Variants in ASCC3 observed in about 807,000 individuals in gnomAD.
ASCC3 encodes activating signal cointegrator 1 complex subunit 3, also known as ASC-1 complex subunit P200.
Under a neutral mutation model 256.3 loss-of-function variants are expected in ASCC3, and 158 were observed. The observed-to-expected ratio is 0.62, with a 90% CI of 0.54 to 0.70. The LOEUF (loss-of-function observed/expected upper bound fraction) is 0.70, where lower values mean the gene tolerates loss of function less well. Among genes scored for constraint, ASCC3 ranks in the 30% least tolerant of loss-of-function variants. ASCC3 has a pLI of 0.00. For synonymous variants in ASCC3, 948 were observed against 883.4 expected, an observed-to-expected ratio of 1.07 and a Z score of -1.30; for missense variants, 2,259 against 2,626.0, an observed-to-expected ratio of 0.86 and a Z score of 3.05.
intron 36 of ASCC3, among the ~76,000 whole-genome samples, chr6:100,583,199 G>A (rs1435580206): frequency 1.3e-5 from 2 of 152,174 alleles, no homozygotes; most frequent in Non-Finnish European, 2.9e-5. Flanking sequence ...CAATTCGGCT[G>A]TGAATCCATC....
At chr6:100,572,144 CA>C (rs1770623870) in intron 36 of ASCC3, among the ~76,000 whole-genome samples, 2 of 152,120 alleles carry the variant, frequency 1.3e-5, no homozygotes, top group African/African-American at 4.8e-5. Context: ...CCTGAACTCC[CA>C]GTGTGATGGT....
chr6:100,702,909 T>TTGGCTTTGGTTTTGGAAGTGTGA (rs1778415499), intron 13 of ASCC3, among the ~76,000 whole-genome samples: 2 of 152,146 alleles, frequency 1.3e-5, no homozygotes, highest in Non-Finnish European at 2.9e-5. Flanking sequence ...CTAATCACCT[T>TTGGCTTTGGTTTTGGAAGTGTGA]TGGCTTTGGT....
chr6:100,682,998 G>A (rs867408591), intron 13 of ASCC3, among the ~76,000 whole-genome samples: 22 of 152,178 alleles, frequency 1.4e-4, no homozygotes, highest in African/African-American at 2.2e-4. Context: ...TGATCACAGC[G>A]TTATTGTGTG....
chr6:100,772,347 A>T (rs893850053), intron 8 of ASCC3, among the ~76,000 whole-genome samples: 3 of 152,242 alleles, frequency 2.0e-5, no homozygotes, highest in African/African-American at 7.2e-5. Flanking sequence ...ATACAAAAAC[A>T]TGAATATGAA....
chr6:100,754,089 ATTTGT>A lies in ASCC3; in HGVS notation c.1737+12471_1737+12475del, dbSNP rs373000910. Among the ~76,000 whole-genome samples, 85 of 152,328 alleles carry A rather than the reference ATTTGT, an allele frequency of 5.6e-4. No homozygotes were observed. The East Asian group carries it at 0.011, about 20-fold the overall frequency. ...TTTTTATATTTAATGTATTTTAGCA[ATTTGT>A]TTTAAGAAAACATTTTGCAGGCTAC... is the stretch of plus-strand genomic sequence containing the variant. On this transcript the variant is annotated intron_variant, in intron 10 of 41. Coordinates refer to ENST00000369162, the MANE Select transcript of ASCC3 (RefSeq NM_006828.4).
intron 14 of ASCC3, among the ~76,000 whole-genome samples, chr6:100,678,290 G>C (rs975263771): frequency 6.6e-6 from 1 of 151,950 alleles, no homozygotes; most frequent in Non-Finnish European, 1.5e-5. Flanking sequence ...TACTTCCAAA[G>C]AAATGAAACA....
At chr6:100,565,622 G>A (rs1352231835) in intron 36 of ASCC3, among the ~76,000 whole-genome samples, 1 of 152,036 alleles carries the variant, frequency 6.6e-6, no homozygotes, top group Non-Finnish European at 1.5e-5. Flanking sequence ...CGTCACTCCC[G>A]TGTCATAGTC....
intron 3 of ASCC3, among the ~76,000 whole-genome samples, chr6:100,851,866 G>A (rs1221327254): frequency 6.6e-6 from 1 of 152,148 alleles, no homozygotes; most frequent in East Asian, 1.9e-4. Flanking sequence ...TTTTCAGGGC[G>A]CTAAAACATC....
chr6:100,813,178 A>C (rs1162745647), intron 4 of ASCC3, among the ~76,000 whole-genome samples: 2 of 152,136 alleles, frequency 1.3e-5, no homozygotes, highest in Non-Finnish European at 2.9e-5. Flanking sequence ...AGTATGGGCC[A>C]GGTGCGGTGG....
chr6:100,609,241 A>G (rs2114821175), intron 30 of ASCC3, among the ~76,000 whole-genome samples: 1 of 151,860 alleles, frequency 6.6e-6, no homozygotes, highest in East Asian at 1.9e-4. Flanking sequence ...TATTTTTTAA[A>G]TTTAAATAAT....
chr6:100,829,515 A>G (rs893552668), intron 4 of ASCC3, among the ~76,000 whole-genome samples: 31 of 152,030 alleles, frequency 2.0e-4, no homozygotes, highest in African/African-American at 7.2e-4. Context: ...CTCACATGGA[A>G]TTCGCACTGG....
rs1217340948 is a variant in ASCC3 at position 100,848,820 on chromosome 6, A to G, written c.242-113T>C. On this transcript the variant is annotated intron_variant, in intron 3 of 41. Coordinates refer to ENST00000369162, the MANE Select transcript of ASCC3 (RefSeq NM_006828.4). ...TGAGTAAATCTAACAGTCAAATCAT[A>G]GCAATAGACCAGGTGTAATGGCTCC... The G allele has an allele frequency of 3.9e-6, 4 of 1,024,712 alleles. No homozygotes were observed. In the East Asian group the frequency reaches 1.0e-4, roughly 26 times the overall value. The allele number at this position is 1,024,712 out of a possible 1,614,324, so 63.5% of individuals were successfully genotyped here.
chr6:100,596,588 G>A (rs1217934033), intron 34 of ASCC3, among the ~76,000 whole-genome samples: 1 of 151,910 alleles, frequency 6.6e-6, no homozygotes, highest in Non-Finnish European at 1.5e-5. Context: ...CTCGAATTTG[G>A]TTTTGTATGA....
Position 100,848,726 on chromosome 6 carries a change from A to C in ASCC3, c.242-19T>G. ...GTTCCAACTATTCAAAGACAAAAGA[A>C]ACAGTATTAGCTCAATTGAATCATG... On this transcript the variant is annotated intron_variant, in intron 3 of 41. Coordinates refer to ENST00000369162, the MANE Select transcript of ASCC3 (RefSeq NM_006828.4). 1 of 1,605,378 alleles carries C rather than the reference A, an allele frequency of 6.2e-7. No homozygotes were observed.
At chr6:100,585,186 G>C (rs1261265600) in intron 36 of ASCC3, among the ~76,000 whole-genome samples, 2 of 152,154 alleles carry the variant, frequency 1.3e-5, no homozygotes, top group Non-Finnish European at 1.5e-5. Context: ...TTCCAAATTG[G>C]TTCCATTCTC....
At chr6:100,554,252 A>G (rs1168217301) in intron 36 of ASCC3, among the ~76,000 whole-genome samples, 1 of 152,174 alleles carries the variant, frequency 6.6e-6, no homozygotes, top group African/African-American at 2.4e-5. Context: ...GTGTATTTTT[A>G]AACATACATA....
intron 10 of ASCC3, among the ~76,000 whole-genome samples, chr6:100,751,771 C>T (rs1401358568): frequency 2.7e-5 from 2 of 73,036 alleles, no homozygotes; most frequent in Non-Finnish European, 5.6e-5. Context: ...AAAGCAAAGG[C>T]TGCCTATAAT....
intron 10 of ASCC3, among the ~76,000 whole-genome samples, chr6:100,737,498 C>T (rs1780235200): frequency 6.6e-6 from 1 of 152,076 alleles, no homozygotes; most frequent in Non-Finnish European, 1.5e-5. Context: ...TCTGTTCCTG[C>T]ATTAGGTCAC....
At chr6:100,797,654 A>T (rs1447862731) in intron 8 of ASCC3, among the ~76,000 whole-genome samples, 1 of 152,034 alleles carries the variant, frequency 6.6e-6, no homozygotes, top group African/African-American at 2.4e-5. Flanking sequence ...GAGCTTCAAA[A>T]AATCATTCCC....
Sources: allele counts gnomAD v4.1 joint callset (sites outside exome capture counted in the v4.1 genomes callset), GRCh38; gene constraint gnomAD v4.1.1; transcripts MANE v1.5; gene names NCBI Gene and HGNC (gene_info 2026-07-23, HGNC 2026-07-21).